Variants in ZNF423 observed in about 807,000 individuals in gnomAD.
The protein encoded by ZNF423 is Ebf-associated zinc finger protein.
A neutral mutation model predicts 95.8 loss-of-function variants in ZNF423; 12 were observed. That is an observed-to-expected ratio of 0.13 (90% CI 0.08 to 0.20). ZNF423 has a LOEUF of 0.20. Among genes scored for constraint, ZNF423 ranks in the 10% least tolerant of loss-of-function variants. The pLI is 1.00. For missense variants in ZNF423, 1,316 were observed against 1,737.1 expected (o/e 0.76, Z 4.31); for synonymous variants, 749 against 711.9 (o/e 1.05, Z -0.83).
chr16:49,799,328 T>C (rs1318142358), intron 1 of ZNF423, among the ~76,000 whole-genome samples: 1 of 152,218 alleles, frequency 6.6e-6, no homozygotes, highest in Non-Finnish European at 1.5e-5. Flanking sequence ...GGTTCCTGGC[T>C]GGCTGCTGAG....
intron 1 of ZNF423, among the ~76,000 whole-genome samples, chr16:49,834,971 T>C (rs1157790403): frequency 1.3e-5 from 2 of 151,368 alleles, no homozygotes; most frequent in Admixed American, 6.6e-5. Flanking sequence ...AGCAAAACCA[T>C]GTGTGCAGTG....
In ZNF423 at chr16:49,637,521, C is replaced by A. The variant is rs34425379; in HGVS notation, c.1655G>T (p.Gly552Val). 417 of 1,614,024 alleles carry A rather than the reference C, an allele frequency of 2.6e-4. 2 individuals carry two copies. The African/African-American group carries it at 4.7e-3, about 18-fold the overall frequency. The part of the protein sequence containing the change: ...EHIQQAHCSV[G>V]SAKLESPVVQ... ...CACCGGAGACTCTAGTTTGGCACTG[C>A]CCACACTGCAGTGGGCCTGCTGGAT... The change falls in exon 4 of 8, where the codon GGC becomes GTC. Residue 552 changes from glycine to valine, a missense_variant. Gly to Val is a moderately radical substitution (Grantham distance 109). Transcript: ENST00000563137. The surrounding 1 kb of genome is among the most constrained non-coding windows in gnomAD (Gnocchi z 5.6).
At chr16:49,713,139 T>C (rs2032597456) in intron 3 of ZNF423, among the ~76,000 whole-genome samples, 1 of 152,154 alleles carries the variant, frequency 6.6e-6, no homozygotes, top group South Asian at 2.1e-4. Context: ...GTGCTGGCAA[T>C]TGGCTTGTCC....
At chr16:49,505,954 T>C (rs1045413879) in intron 7 of ZNF423, among the ~76,000 whole-genome samples, 9 of 152,214 alleles carry the variant, frequency 5.9e-5, no homozygotes, top group African/African-American at 1.9e-4. Flanking sequence ...CCCACTTCTA[T>C]CACCAGGCAG....
intron 5 of ZNF423, among the ~76,000 whole-genome samples, chr16:49,560,309 C>A (rs1042266745): frequency 6.6e-6 from 1 of 152,144 alleles, no homozygotes; most frequent in Non-Finnish European, 1.5e-5. Context: ...ACAGATTAAA[C>A]CCAGGCCCCA....
At chr16:49,788,749 G>A (rs371075344) in intron 2 of ZNF423, among the ~76,000 whole-genome samples, 17 of 152,336 alleles carry the variant, frequency 1.1e-4, no homozygotes, top group East Asian at 9.7e-4. Context: ...GGCGCCTGCC[G>A]GACAGGGAGC....
intron 7 of ZNF423, chr16:49,518,585 C>T: frequency 2.7e-6 from 1 of 375,200 alleles, no homozygotes; most frequent in South Asian, 1.9e-5. Context: ...TGTTCCATTG[C>T]AAAAAAAAAA....
chr16:49,618,236 C>T (rs1400572061), intron 5 of ZNF423, among the ~76,000 whole-genome samples: 1 of 152,194 alleles, frequency 6.6e-6, no homozygotes, highest in Non-Finnish European at 1.5e-5. Context: ...AATGACAGCA[C>T]GTCTCACAGG....
chr16:49,850,415 A>G (rs1415639416), intron 1 of ZNF423, among the ~76,000 whole-genome samples: 1 of 152,242 alleles, frequency 6.6e-6, no homozygotes, highest in Non-Finnish European at 1.5e-5. Context: ...ACCACAGTGT[A>G]TCGGGGTTTT....
intron 3 of ZNF423, among the ~76,000 whole-genome samples, chr16:49,692,536 C>T (rs181178819): frequency 6.6e-6 from 1 of 152,338 alleles, no homozygotes; most frequent in East Asian, 1.9e-4. Flanking sequence ...CCCCCACTGC[C>T]TCCTTTCACC....
At chr16:49,536,607 T>C (rs1969065149) in intron 5 of ZNF423, among the ~76,000 whole-genome samples, 1 of 152,218 alleles carries the variant, frequency 6.6e-6, no homozygotes, top group East Asian at 1.9e-4. Flanking sequence ...CAGACCTGGC[T>C]AGATTTTTAG....
intron 3 of ZNF423, among the ~76,000 whole-genome samples, chr16:49,721,674 G>C (rs1266746197): frequency 6.6e-6 from 1 of 152,084 alleles, no homozygotes; most frequent in Non-Finnish European, 1.5e-5. Context: ...CCACTCTGGC[G>C]CACCCTTGGA....
At chr16:49,770,195 A>AGAAT (rs2034007628) in intron 2 of ZNF423, among the ~76,000 whole-genome samples, 2 of 108,276 alleles carry the variant, frequency 1.8e-5, no homozygotes, top group South Asian at 7.0e-4. Flanking sequence ...AATGAATAAA[A>AGAAT]GAATGAACGA....
intron 2 of ZNF423, among the ~76,000 whole-genome samples, chr16:49,755,027 G>A (rs1307069874): frequency 2.0e-5 from 3 of 152,222 alleles, no homozygotes; most frequent in Non-Finnish European, 2.9e-5. Context: ...ATCTTCCGCG[G>A]TGGCAGCGGC....
At chr16:49,506,042 G>C (rs1246252976) in intron 7 of ZNF423, among the ~76,000 whole-genome samples, 1 of 152,166 alleles carries the variant, frequency 6.6e-6, no homozygotes, top group Non-Finnish European at 1.5e-5. Flanking sequence ...CTCACCAGAG[G>C]GGTGTGTGCT....
chr16:49,740,930 G>A (rs565058106), intron 2 of ZNF423, among the ~76,000 whole-genome samples: 12 of 152,232 alleles, frequency 7.9e-5, no homozygotes, highest in African/African-American at 1.9e-4. Flanking sequence ...TGTATCTTTC[G>A]CCTCGTGACC....
At chr16:49,594,910 G>A (rs1003837390) in intron 5 of ZNF423, among the ~76,000 whole-genome samples, 11 of 152,224 alleles carry the variant, frequency 7.2e-5, no homozygotes, top group Non-Finnish European at 1.3e-4. Flanking sequence ...GCAAGAGGGC[G>A]GAAGGAGGCT....
chr16:49,501,798 G>T (rs1331716128), intron 7 of ZNF423, among the ~76,000 whole-genome samples: 1 of 150,730 alleles, frequency 6.6e-6, no homozygotes, highest in Non-Finnish European at 1.5e-5. Flanking sequence ...AATACCACAT[G>T]TTCTCACTCA....
At chr16:49,619,201 T>C (rs923957958) in intron 5 of ZNF423, among the ~76,000 whole-genome samples, 2 of 152,104 alleles carry the variant, frequency 1.3e-5, no homozygotes, top group African/African-American at 4.8e-5. Context: ...TCCCTTATCT[T>C]AGACTTGTGA....
Sources: gnomAD v4.1 joint callset for allele counts (sites outside exome capture counted in the v4.1 genomes callset) on GRCh38, gnomAD v4.1.1 for gene constraint, Gnocchi (gnomAD v3.1) non-coding constraint, MANE v1.5 for transcripts, NCBI Gene and HGNC (gene_info 2026-07-23, HGNC 2026-07-21) for gene names.